The following PDE8A variants were observed in gnomAD, a reference collection of about 807,000 sequenced individuals.
The protein encoded by PDE8A is high affinity cAMP-specific and IBMX-insensitive 3',5'-cyclic phosphodiesterase 8A.
PDE8A carries 59 observed loss-of-function variants against 105.0 expected under a neutral mutation model. The observed-to-expected ratio is 0.56, with a 90% confidence interval of 0.46 to 0.70. The LOEUF (loss-of-function observed/expected upper bound fraction) is 0.70, where lower values mean the gene tolerates loss of function less well. PDE8A is among the 30% of genes least tolerant of loss of function. PDE8A has a pLI of 0.00. For synonymous variants in PDE8A, 355 were observed against 371.9 expected (o/e 0.95, Z 0.52); for missense variants, 1,014 against 1,045.9 (o/e 0.97, Z 0.42).
At chr15:85,002,454 GCGCCA>G (rs1231471725) in intron 1 of PDE8A, among the ~76,000 whole-genome samples, 1 of 152,220 alleles carries the variant, frequency 6.6e-6, no homozygotes, top group Non-Finnish European at 1.5e-5. Flanking sequence ...AGAGTTGGGT[GCGCCA>G]CCCTCTGGCA....
intron 3 of PDE8A, 135 bp downstream of exon 3, chr15:85,067,339 C>A (rs562382562): frequency 3.4e-6 from 2 of 581,496 alleles, no homozygotes; most frequent in Non-Finnish European, 5.9e-6. Flanking sequence ...ATATTAGAAC[C>A]TCACTATTTA....
Position 85,073,435 on chromosome 15 carries a change from G to A in PDE8A, c.435-2427G>A, listed in dbSNP as rs558948509. ...GCTGTTTTTAAGGGCTTATCTCCAG[G>A]TAAACAAGGTCCTCCCTTCCACTTT... On this transcript the variant is annotated intron_variant, in intron 3 of 21. Coordinates refer to ENST00000394553, the MANE Select transcript of PDE8A (RefSeq NM_002605.3). Among the ~76,000 whole-genome samples the A allele has an allele frequency of 4.5e-4, 69 of 152,252 alleles. 1 individual carries two copies. In the South Asian group the frequency reaches 0.013, roughly 29 times the overall value.
At chr15:85,034,890 T>A (rs911142140) in intron 1 of PDE8A, among the ~76,000 whole-genome samples, 1 of 152,164 alleles carries the variant, frequency 6.6e-6, no homozygotes, top group African/African-American at 2.4e-5. Flanking sequence ...GGGGGTTAAA[T>A]AGATACTATC....
chr15:85,116,569 CAG>C (rs958421860), intron 16 of PDE8A, among the ~76,000 whole-genome samples: 5 of 152,200 alleles, frequency 3.3e-5, no homozygotes, highest in Non-Finnish European at 5.9e-5. Context: ...GGTGTGATCA[CAG>C]AGAGTGGGAG....
chr15:85,133,355 A>G (rs908362799), intron 20 of PDE8A, among the ~76,000 whole-genome samples: 1 of 152,126 alleles, frequency 6.6e-6, no homozygotes, highest in African/African-American at 2.4e-5. Flanking sequence ...ACAGAGACCA[A>G]TCCTTCAGGC....
At chr15:85,035,845 T>C (rs1034848461) in intron 1 of PDE8A, among the ~76,000 whole-genome samples, 32 of 152,266 alleles carry the variant, frequency 2.1e-4, no homozygotes, top group African/African-American at 7.5e-4. Context: ...AATGTTCTCC[T>C]TTGTTTCACC....
Position 85,126,311 on chromosome 15 carries a change from C to T in PDE8A, c.2190C>T (p.Pro730=), listed in dbSNP as rs779177578. The T allele has an allele frequency of 1.2e-6, 2 of 1,613,182 alleles. No individual in the cohort carries two copies. Among genetic ancestry groups the T allele is most frequent in the South Asian group, 2.2e-5 (2 of 90,916 alleles). ...MLIKCADVSN[P]CRPLQYCIEW... ...TTAAATGTGCTGATGTGTCCAATCC[C>T]TGCCGACCCCTGCAGTACTGCATCG... Residue 730 remains proline, a synonymous_variant, in exon 20 of 22, where the codon CCC becomes CCT. Coordinates refer to ENST00000394553, the MANE Select transcript of PDE8A (RefSeq NM_002605.3).
At chr15:85,126,422 C>A (rs747259464) in intron 20 of PDE8A, 48 bp downstream of exon 20, 70 of 1,292,088 alleles carry the variant, frequency 5.4e-5, no homozygotes, top group Non-Finnish European at 6.5e-5. Context: ...AGAGTTAAAA[C>A]CCATAAAATC....
intron 1 of PDE8A, among the ~76,000 whole-genome samples, chr15:85,005,963 G>A (rs898010199): frequency 1.3e-5 from 2 of 152,130 alleles, no homozygotes; most frequent in East Asian, 1.9e-4. Flanking sequence ...TCACACGTTC[G>A]GCTCTGAGCT....
At position 85,064,389 on chromosome 15, in the gene PDE8A, A is replaced by C. The variant is rs61734393; in HGVS notation, c.206A>C (p.Gln69Pro). The change falls in exon 2 of 22, where the codon CAG becomes CCG. Residue 69 changes from glutamine to proline, a missense_variant. By Grantham distance (76) the Gln-to-Pro change is moderately conservative. Coordinates refer to ENST00000394553, the MANE Select transcript of PDE8A (RefSeq NM_002605.3). ...SGKKVAVADV[Q>P]FGPMRFHQDQ... Reference sequence around the variant, plus strand: ...TTACAGGTAGCAGTAGCTGATGTGCAGTTTGGCCCCATGAGATTTCATCAA... The same window carrying C: ...TTACAGGTAGCAGTAGCTGATGTGCCGTTTGGCCCCATGAGATTTCATCAA... 6.2e-7 allele frequency: 1 copy of C among 1,609,822 alleles called. No homozygotes were observed. The highest frequency in any genetic ancestry group is 8.5e-7 in the Non-Finnish European group (1 of 1,176,518).
At chr15:85,040,907 C>T (rs1018088079) in intron 1 of PDE8A, among the ~76,000 whole-genome samples, 2 of 152,118 alleles carry the variant, frequency 1.3e-5, no homozygotes, top group Admixed American at 1.3e-4. Flanking sequence ...TTGTAGATCT[C>T]ATTGTCTTTA....
chr15:85,060,413 A>G (rs1483550254), intron 1 of PDE8A, among the ~76,000 whole-genome samples: 2 of 152,352 alleles, frequency 1.3e-5, no homozygotes, highest in South Asian at 2.1e-4. Flanking sequence ...GATTCAGCCA[A>G]CTGAAGATTG....
At chr15:85,136,846 G>T (rs1220869537) in intron 21 of PDE8A, among the ~76,000 whole-genome samples, 183 bp downstream of exon 21, 1 of 152,186 alleles carries the variant, frequency 6.6e-6, no homozygotes, top group African/African-American at 2.4e-5. Flanking sequence ...CTCCCCGCAG[G>T]CATAGGTGTC....
rs2082056509 is a variant in PDE8A at position 85,113,915 on chromosome 15, C to T, written c.1228C>T (p.Pro410Ser). The T allele has an allele frequency of 1.2e-6, 2 of 1,613,134 alleles. No homozygotes were observed. The highest frequency in any genetic ancestry group is 2.2e-5 in the South Asian group (2 of 91,054). ...INAAQESSPM[P>S]VTEALDRVLE... ...TGCTGCCCAGGAAAGTAGTCCCATG[C>T]CTGTGACAGAAGCCCTAGACCGTGT... The change falls in exon 14 of 22, where the codon CCT becomes TCT. Residue 410 changes from proline (P) to serine (S), a missense_variant. By Grantham distance (74) the Pro-to-Ser change is moderately conservative. Coordinates refer to ENST00000394553, the MANE Select transcript of PDE8A (RefSeq NM_002605.3).
rs1397856529 is a variant in PDE8A, at chr15:84,982,119, G to C, written c.-44G>C. The C allele has an allele frequency of 8.2e-7, 1 of 1,225,764 alleles. No homozygotes were observed. Among genetic ancestry groups the C allele is most frequent in the African/African-American group, 1.6e-5 (1 of 63,312 alleles). The allele number at this position is 1,225,764 out of a possible 1,614,324, so 75.9% of individuals were successfully genotyped here. ...GCGCCGGGTGGGCCGTTTGCTGACC[G>C]GATCGCGGCTACCCGCCAGCGTGTC... On this transcript the variant is annotated 5_prime_UTR_variant, in exon 1 of 22. Coordinates refer to ENST00000394553, the MANE Select transcript of PDE8A (RefSeq NM_002605.3).
intron 11 of PDE8A, among the ~76,000 whole-genome samples, chr15:85,101,086 A>C (rs2081855190): frequency 6.6e-6 from 1 of 152,238 alleles, no homozygotes; most frequent in South Asian, 2.1e-4. Context: ...CAAGGAGGTA[A>C]GCATTTTTAG....
At position 85,117,513 on chromosome 15, in the gene PDE8A, C is replaced by T. The variant is rs1357976644; in HGVS notation, c.1536-128C>T. ...TGGCCCCACCAGAGAGAGGCCAGCA[C>T]AGCCCAAGCAATCTCCACTTTGCTG... On this transcript the variant is annotated intron_variant, in intron 16 of 21. Coordinates refer to ENST00000394553, the MANE Select transcript of PDE8A (RefSeq NM_002605.3). 6.5e-6 allele frequency: 5 copies of T among 769,538 alleles called. No homozygotes were observed. In the East Asian group the frequency reaches 9.9e-5, roughly 15 times the overall value. The allele number at this position is 769,538 out of a possible 1,614,324, so 47.7% of individuals were successfully genotyped here. A position where few individuals can be genotyped will look rare whatever the true frequency, so the allele number is the denominator to read the frequency against.
intron 3 of PDE8A, among the ~76,000 whole-genome samples, chr15:85,071,624 T>C (rs1187078841): frequency 1.3e-5 from 2 of 152,196 alleles, no homozygotes; most frequent in Non-Finnish European, 2.9e-5. Context: ...CTGCTGGCAG[T>C]GTTCTCCAAG....
intron 6 of PDE8A, 128 bp from the exon 7 acceptor site, chr15:85,089,210 T>C (rs1456773061): frequency 3.1e-6 from 2 of 635,972 alleles, no homozygotes; most frequent in East Asian, 2.9e-5. Flanking sequence ...TTATTTCTTT[T>C]TATGTTTTAA....
Sources: gnomAD v4.1 joint callset for allele counts (sites outside exome capture counted in the v4.1 genomes callset) on GRCh38, gnomAD v4.1.1 for gene constraint, MANE v1.5 for transcripts, NCBI Gene and HGNC (gene_info 2026-07-23, HGNC 2026-07-21) for gene names.